Variants in RFX4 observed in about 807,000 individuals in gnomAD.
RFX4 encodes regulatory factor X4.
Under a neutral mutation model 95.0 loss-of-function variants are expected in RFX4, and 10 were observed. The ratio of observed to expected loss-of-function variants is 0.11; its 90% CI spans 0.06 to 0.18. The LOEUF (loss-of-function observed/expected upper bound fraction) is 0.18, where lower values mean the gene tolerates loss of function less well. RFX4 is among the 10% of genes least tolerant of loss of function. The pLI is 1.00. For missense variants in RFX4, 640 were observed against 922.0 expected (o/e 0.69, Z 3.96); for synonymous variants, 321 against 340.7 (o/e 0.94, Z 0.64).
chr12:106,623,848 G>T (rs2040235559), intron 2 of RFX4, among the ~76,000 whole-genome samples: 1 of 152,240 alleles, frequency 6.6e-6, no homozygotes. Flanking sequence ...TGATTTAAAT[G>T]ATGTAGATAT....
intron 17 of RFX4, among the ~76,000 whole-genome samples, chr12:106,760,754 G>T (rs963132500): frequency 6.6e-6 from 1 of 152,102 alleles, no homozygotes; most frequent in Non-Finnish European, 1.5e-5. Context: ...ATGCTCTTGG[G>T]TTGACAGACT....
chr12:106,622,622 A>ATTTTTT (rs34736856), intron 2 of RFX4, among the ~76,000 whole-genome samples: 1 of 132,264 alleles, frequency 7.6e-6, no homozygotes, highest in African/African-American at 2.8e-5. Context: ...TCCAAGCTGC[A>ATTTTTT]TTTTTTTTTT....
rs562219282 is a variant in RFX4, at chr12:106,616,489, G to A, written c.130+7606G>A. Among the ~76,000 whole-genome samples, 9 of 152,124 alleles carry A rather than the reference G, an allele frequency of 5.9e-5. No individual in the cohort carries two copies. In the South Asian group the frequency reaches 8.3e-4, roughly 14 times the overall value. ...AGATTACAGAGGTCTCATGAAAAGG[G>A]GTAGGAAGTTTCCTATGTCTCTATT... On this transcript the variant is annotated intron_variant, in intron 2 of 17. Transcript: ENST00000392842.
chr12:106,622,550 A>C (rs1382305214), intron 2 of RFX4, among the ~76,000 whole-genome samples: 1 of 151,934 alleles, frequency 6.6e-6, no homozygotes, highest in Non-Finnish European at 1.5e-5. Context: ...TTTTGCTTAC[A>C]TATGTAGAAA....
intron 2 of RFX4, among the ~76,000 whole-genome samples, chr12:106,609,524 G>A (rs1205024258): frequency 6.6e-6 from 1 of 152,142 alleles, no homozygotes; most frequent in Non-Finnish European, 1.5e-5. Context: ...TTTCTTCCAT[G>A]GTTGGTAAAG....
At position 106,583,347 on chromosome 12, in the gene RFX4, C is replaced by T; in HGVS notation, c.27C>T (p.Pro9=). MHCGLLEE[P]DMDSTESWIE... ...TGCATTGTGGGTTACTGGAGGAACCCGACATGGATTCCACAGGTTAGTCCT... is the reference window on the plus strand; with the variant it reads ...TGCATTGTGGGTTACTGGAGGAACCTGACATGGATTCCACAGGTTAGTCCT... The change falls in exon 1 of 18, where the codon CCC becomes CCT. Residue 9 remains proline, a synonymous_variant. Coordinates refer to ENST00000392842, the MANE Select transcript of RFX4 (RefSeq NM_213594.3). 1.3e-6 allele frequency: 2 copies of T among 1,587,044 alleles called. No individual in the cohort carries two copies. Among genetic ancestry groups the T allele is most frequent in the Non-Finnish European group, 1.7e-6 (2 of 1,170,404 alleles).
At chr12:106,644,093 G>A (rs984687104) in intron 3 of RFX4, among the ~76,000 whole-genome samples, 1 of 152,268 alleles carries the variant, frequency 6.6e-6, no homozygotes, top group East Asian at 1.9e-4. Context: ...CTGTTATGCT[G>A]TATTGATCCA....
Position 106,720,311 on chromosome 12 carries a change from C to T in RFX4, c.1233+257C>T, listed in dbSNP as rs2042371587. Among the ~76,000 whole-genome samples, 3 of 152,172 alleles carry T rather than the reference C, an allele frequency of 2.0e-5. No homozygotes were observed. The highest frequency in any genetic ancestry group is 6.5e-5 in the Admixed American group (1 of 15,284). ...ATTTTTTAAAGTTTTTTTGCTGCTA[C>T]AAACAAAACAAAAACCATTGCTCCA... On this transcript the variant is annotated intron_variant, in intron 12 of 17. Transcript: ENST00000392842. The surrounding 1 kb of genome is among the most constrained non-coding windows in gnomAD (Gnocchi z 4.2).
intron 5 of RFX4, 97 bp downstream of exon 5, chr12:106,682,151 G>C: frequency 7.8e-7 from 1 of 1,279,772 alleles, no homozygotes; most frequent in Non-Finnish European, 1.1e-6. Flanking sequence ...CTGTCTGCAG[G>C]CCTGGCAGAA....
rs575749562 is a variant in RFX4, at chr12:106,629,358, C to T, written c.131-9974C>T. ...TCGTTTCGGATGTGTCCAGGTAAAGCTGTAGGATCAGTTCACAGACCTGGG... is the reference window on the plus strand; with the variant it reads ...TCGTTTCGGATGTGTCCAGGTAAAGTTGTAGGATCAGTTCACAGACCTGGG... On this transcript the variant is annotated intron_variant, in intron 2 of 17. Transcript: ENST00000392842. 2.6e-5 allele frequency among the ~76,000 whole-genome samples: 4 copies of T among 152,324 alleles called. No homozygotes were observed. The South Asian group carries it at 6.2e-4, about 24-fold the overall frequency.
intron 2 of RFX4, among the ~76,000 whole-genome samples, chr12:106,637,544 T>C (rs1282669811): frequency 6.6e-6 from 1 of 152,242 alleles, no homozygotes; most frequent in Non-Finnish European, 1.5e-5. Context: ...TTAAATTTTA[T>C]TGATAATATT....
At chr12:106,685,792 G>C (rs2137414070) in intron 5 of RFX4, among the ~76,000 whole-genome samples, 1 of 152,276 alleles carries the variant, frequency 6.6e-6, no homozygotes, top group Middle Eastern at 3.4e-3. Context: ...CAAATTATTT[G>C]AGCTTTCTTG....
intron 4 of RFX4, among the ~76,000 whole-genome samples, chr12:106,665,411 T>C (rs1195334933): frequency 6.6e-6 from 1 of 152,036 alleles, no homozygotes; most frequent in South Asian, 2.1e-4. Context: ...AGACAACATA[T>C]AGTTGGATCT....
At chr12:106,672,698 A>G (rs1275114290) in intron 4 of RFX4, among the ~76,000 whole-genome samples, 2 of 151,248 alleles carry the variant, frequency 1.3e-5, no homozygotes, top group Non-Finnish European at 2.9e-5. Flanking sequence ...AGATTCAGGG[A>G]CCAGTTGATT....
At chr12:106,587,442 G>A (rs1193947312) in intron 1 of RFX4, among the ~76,000 whole-genome samples, 1 of 152,208 alleles carries the variant, frequency 6.6e-6, no homozygotes, top group African/African-American at 2.4e-5. Flanking sequence ...GGCAGAGGCC[G>A]ACAACAAAGG....
At chr12:106,587,074 C>T (rs975112538) in intron 1 of RFX4, among the ~76,000 whole-genome samples, 7 of 152,226 alleles carry the variant, frequency 4.6e-5, no homozygotes, top group Admixed American at 3.3e-4. Flanking sequence ...AAGTGAGAGC[C>T]GCATGGTACC....
chr12:106,681,378 G>A (rs2041507656), intron 4 of RFX4, among the ~76,000 whole-genome samples: 1 of 152,178 alleles, frequency 6.6e-6, no homozygotes, highest in Admixed American at 6.5e-5. Flanking sequence ...TGTGACCCTT[G>A]TGCTACTCCA....
intron 14 of RFX4, 85 bp downstream of exon 14, chr12:106,732,334 G>A: frequency 6.5e-7 from 1 of 1,532,964 alleles, no homozygotes; most frequent in Non-Finnish European, 8.9e-7. Flanking sequence ...CTTTAACTCT[G>A]TATCTCAAAG....
chr12:106,735,023 C>T (rs2042683660), intron 15 of RFX4, among the ~76,000 whole-genome samples: 1 of 147,470 alleles, frequency 6.8e-6, no homozygotes, highest in African/African-American at 2.5e-5. Context: ...CACTGCACTC[C>T]AGCCTGGGTG....
Sources: gnomAD v4.1 joint callset for allele counts (sites outside exome capture counted in the v4.1 genomes callset) on GRCh38, gnomAD v4.1.1 for gene constraint, Gnocchi (gnomAD v3.1) non-coding constraint, MANE v1.5 for transcripts, NCBI Gene and HGNC (gene_info 2026-07-23, HGNC 2026-07-21) for gene names.